Variants in CFAP47 observed in about 807,000 individuals in gnomAD.
CFAP47 encodes cilia- and flagella-associated protein 47.
CFAP47 carries 29 observed loss-of-function variants against 148.1 expected under a neutral mutation model. That is an observed-to-expected ratio of 0.20 (90% CI 0.15 to 0.27). The LOEUF (loss-of-function observed/expected upper bound fraction) is 0.27. CFAP47 is among the 10% of genes least tolerant of loss of function. The pLI, the probability that CFAP47 is intolerant of heterozygous loss-of-function variation, is 1.00. For missense variants in CFAP47, 1,872 were observed against 1,697.5 expected (o/e 1.10, Z -1.81); for synonymous variants, 664 against 577.3 (o/e 1.15, Z -2.15).
chrX:35,965,515 A>G (rs1464555202), intron 8 of CFAP47, among the ~76,000 whole-genome samples: 1 of 111,752 alleles, frequency 8.9e-6, no homozygotes, highest in East Asian at 2.8e-4. Context: ...TTCAAATACC[A>G]TCTGAATATC....
intron 3 of CFAP47, among the ~76,000 whole-genome samples, chrX:35,946,244 GC>G (rs1452979968): frequency 9.0e-6 from 1 of 111,569 alleles, no homozygotes; most frequent in Non-Finnish European, 1.9e-5. Flanking sequence ...AATTTAAAAA[GC>G]CAAACAAATG....
intron 40 of CFAP47, among the ~76,000 whole-genome samples, chrX:36,181,292 A>T (rs777011183): frequency 1.8e-5 from 2 of 111,828 alleles, no homozygotes; most frequent in Non-Finnish European, 3.8e-5. Flanking sequence ...GGGTTTGATT[A>T]GATCCAGAGT....
chrX:36,114,898 CT>C (rs1414099261), intron 33 of CFAP47, among the ~76,000 whole-genome samples: 9 of 112,141 alleles, frequency 8.0e-5, no homozygotes, highest in African/African-American at 1.6e-4. Flanking sequence ...CTAGTGGGTG[CT>C]GGGATTCCTG....
At chrX:35,933,430 G>C (rs755225114) in intron 2 of CFAP47, among the ~76,000 whole-genome samples, 17 of 111,656 alleles carry the variant, frequency 1.5e-4, no homozygotes, top group Non-Finnish European at 1.9e-4. Flanking sequence ...GTACTTCATC[G>C]TGTATATGTA....
chrX:35,979,827 C>T (rs150948381), intron 15 of CFAP47, among the ~76,000 whole-genome samples: 175 of 111,567 alleles, frequency 1.6e-3, no homozygotes, highest in African/African-American at 5.2e-3. Flanking sequence ...CCATGGCAGC[C>T]GTAAGGCAAG....
chrX:36,120,168 AT>A lies in CFAP47; in HGVS notation c.5320+15490del, dbSNP rs373069862. Reference sequence around the variant, plus strand: ...AGGTGCCTGCCACCACACCCAGGTAATTTTTTTTTTTTTGTATTTTTAGTAG... The same window carrying A: ...AGGTGCCTGCCACCACACCCAGGTAATTTTTTTTTTTTGTATTTTTAGTAG... On this transcript the variant is annotated intron_variant, in intron 33 of 63. Transcript: ENST00000378653. 2.1e-3 allele frequency among the ~76,000 whole-genome samples: 202 copies of A among 97,820 alleles called. 1 individual carries two copies. The highest frequency in any genetic ancestry group is 2.2e-3 in the African/African-American group (59 of 26,935). 84.9% of individuals were successfully genotyped at this position (97,820 alleles called of 115,157 possible).
chrX:36,185,911 C>A (rs781992358), intron 40 of CFAP47, among the ~76,000 whole-genome samples: 4 of 111,557 alleles, frequency 3.6e-5, no homozygotes, highest in Non-Finnish European at 7.5e-5. Context: ...AGCTTAATTA[C>A]CCCCTTATAT....
intron 57 of CFAP47, among the ~76,000 whole-genome samples, chrX:36,338,421 C>G (rs1941626592): frequency 9.0e-6 from 1 of 111,401 alleles, no homozygotes; most frequent in Non-Finnish European, 1.9e-5. Flanking sequence ...TTCTCTTTTA[C>G]TCTCTGATAC....
intron 39 of CFAP47, among the ~76,000 whole-genome samples, chrX:36,170,867 G>A (rs1205086526): frequency 8.4e-5 from 9 of 107,447 alleles, no homozygotes; most frequent in African/African-American, 1.0e-4. Flanking sequence ...CTGAGGAATC[G>A]CCACACTGAC....
At chrX:35,979,285 G>A (rs1243646666) in intron 15 of CFAP47, among the ~76,000 whole-genome samples, 1 of 110,709 alleles carries the variant, frequency 9.0e-6, no homozygotes, top group Non-Finnish European at 1.9e-5. Context: ...GGCCAAGAGT[G>A]GACTGATATT....
intron 8 of CFAP47, among the ~76,000 whole-genome samples, chrX:35,956,767 A>G (rs1057073033): frequency 8.9e-6 from 1 of 112,026 alleles, no homozygotes; most frequent in Admixed American, 9.5e-5. Flanking sequence ...ATTGCTGCAC[A>G]GGTAACTCTT....
chrX:35,988,025 G>T (rs190110452), intron 15 of CFAP47, among the ~76,000 whole-genome samples: 1 of 111,432 alleles, frequency 9.0e-6, no homozygotes, highest in Admixed American at 9.5e-5. Context: ...ATCTCGCTGG[G>T]AGCTACAGAC....
chrX:36,138,612 A>T lies in CFAP47; in HGVS notation c.5535+148A>T, dbSNP rs1225917624. On this transcript the variant is annotated intron_variant, in intron 35 of 63. Transcript: ENST00000378653. ...ACATTGCTAAAATGTAGAAATTGAA[A>T]TATGACTCCACAGAAATCGACTGGA... 6 of 597,346 alleles carry T rather than the reference A, an allele frequency of 1.0e-5. No individual in the cohort carries two copies. In the African/African-American group the frequency reaches 1.5e-4, roughly 14 times the overall value. The allele number at this position is 597,346 out of a possible 1,213,427, so 49.2% of individuals were successfully genotyped here. A position where few individuals can be genotyped will look rare whatever the true frequency, so the allele number is the denominator to read the frequency against.
intron 35 of CFAP47, 55 bp from the exon 36 acceptor site, chrX:36,145,164 T>C (rs1175882387): frequency 6.7e-6 from 2 of 297,736 alleles, no homozygotes; most frequent in East Asian, 4.8e-5. Context: ...TCTCTACCTA[T>C]GTAGAACTCT....
intron 8 of CFAP47, among the ~76,000 whole-genome samples, chrX:35,965,768 C>T (rs1023697377): frequency 2.7e-5 from 3 of 110,863 alleles, no homozygotes; most frequent in African/African-American, 9.8e-5. Context: ...GGTAGTGAGG[C>T]GTTTGGAGTG....
intron 26 of CFAP47, among the ~76,000 whole-genome samples, chrX:36,054,920 C>A (rs191623654): frequency 0.016 from 1,745 of 109,118 alleles, 42 homozygotes; most frequent in African/African-American, 0.055. Flanking sequence ...CTACAGGCGC[C>A]CGCCACCACG....
intron 59 of CFAP47, among the ~76,000 whole-genome samples, chrX:36,351,251 G>C (rs1311665923): frequency 1.8e-5 from 2 of 111,659 alleles, no homozygotes; most frequent in Admixed American, 1.9e-4. Flanking sequence ...TTTCCTTGAA[G>C]CATTTTTATT....
At position 36,159,315 on chromosome X, in the gene CFAP47, T is replaced by C. The variant is rs112915197; in HGVS notation, c.5787-111T>C. ...GGCTTCTTGATAACTGCAGCTGAAG[T>C]GAGTACCTTGCAGGGGGATGTAGGC... On this transcript the variant is annotated intron_variant, in intron 37 of 63. Transcript: ENST00000378653. The C allele has an allele frequency of 5.0e-3, 1,442 of 288,637 alleles. 22 individuals are homozygous for C. The highest frequency in any genetic ancestry group is 0.035 in the African/African-American group (1,260 of 36,254). The allele number at this position is 288,637 out of a possible 1,213,427, so 23.8% of individuals were successfully genotyped here.
chrX:36,367,745 T>C (rs1178490112), intron 62 of CFAP47, among the ~76,000 whole-genome samples: 2 of 111,629 alleles, frequency 1.8e-5, no homozygotes, highest in African/African-American at 6.5e-5. Context: ...TCAAACCCTT[T>C]TGCAGTCAAC....
Sources: gnomAD v4.1 joint callset for allele counts (sites outside exome capture counted in the v4.1 genomes callset) on GRCh38, gnomAD v4.1.1 for gene constraint, MANE v1.5 for transcripts, NCBI Gene and HGNC (gene_info 2026-07-23, HGNC 2026-07-21) for gene names.